Variants in ANGPT1 observed in about 807,000 individuals in gnomAD.
ANGPT1 encodes the protein angiopoietin 1, also known as angiopoietin-1.
A neutral mutation model predicts 62.2 loss-of-function variants in ANGPT1; 17 were observed. That is an observed-to-expected ratio of 0.27 (90% CI 0.19 to 0.41). The LOEUF (loss-of-function observed/expected upper bound fraction) is 0.41, where lower values mean the gene tolerates loss of function less well. ANGPT1 is among the 10% of genes least tolerant of loss of function. The probability of loss-of-function intolerance (pLI) is 1.00; values close to 1 mark genes in which losing one functional copy is unlikely to be tolerated. For missense variants in ANGPT1, 478 were observed against 594.9 expected, an observed-to-expected ratio of 0.80 and a Z score of 2.04; for synonymous variants, 199 against 198.9, an observed-to-expected ratio of 1.00 and a Z score of 0.00.
At chr8:107,466,523 G>C (rs191528096) in intron 1 of ANGPT1, among the ~76,000 whole-genome samples, 1 of 152,162 alleles carries the variant, frequency 6.6e-6, no homozygotes, top group Non-Finnish European at 1.5e-5. Flanking sequence ...ACTCTGTGTA[G>C]GTTAAAGTGA....
chr8:107,360,276 G>T (rs967780968), intron 1 of ANGPT1, among the ~76,000 whole-genome samples: 2 of 152,182 alleles, frequency 1.3e-5, no homozygotes, highest in African/African-American at 2.4e-5. Flanking sequence ...AATGAGGTAA[G>T]GTCTTGAGGT....
intron 1 of ANGPT1, among the ~76,000 whole-genome samples, chr8:107,488,377 G>A (rs779504591): frequency 2.0e-5 from 3 of 152,084 alleles, no homozygotes; most frequent in African/African-American, 4.8e-5. Context: ...TGGACATATG[G>A]GATGCCCTGC....
chr8:107,298,610 T>G, intron 5 of ANGPT1, among the ~76,000 whole-genome samples: 1 of 151,914 alleles, frequency 6.6e-6, no homozygotes, highest in East Asian at 1.9e-4. Flanking sequence ...TTTGAAAAGA[T>G]AACATTTCTC....
At chr8:107,276,351 C>T (rs1450321981) in intron 7 of ANGPT1, among the ~76,000 whole-genome samples, 4 of 152,054 alleles carry the variant, frequency 2.6e-5, no homozygotes, top group Non-Finnish European at 4.4e-5. Context: ...CATATTTTTT[C>T]ATACCTTGAT....
intron 1 of ANGPT1, among the ~76,000 whole-genome samples, chr8:107,422,386 C>T (rs1324237505): frequency 6.6e-6 from 1 of 152,190 alleles, no homozygotes; most frequent in Non-Finnish European, 1.5e-5. Context: ...CCATAAACCT[C>T]AAGTTCTCTC....
At chr8:107,330,616 G>C (rs961684861) in intron 3 of ANGPT1, among the ~76,000 whole-genome samples, 2 of 152,136 alleles carry the variant, frequency 1.3e-5, no homozygotes, top group East Asian at 1.9e-4. Flanking sequence ...TTCTGGATAA[G>C]GACTGGAGTG....
At chr8:107,461,522 T>C (rs1379375239) in intron 1 of ANGPT1, among the ~76,000 whole-genome samples, 2 of 152,288 alleles carry the variant, frequency 1.3e-5, no homozygotes, top group African/African-American at 4.8e-5. Flanking sequence ...GGCAGTATTT[T>C]CATTTTGTCA....
At chr8:107,475,057 C>CT (rs746340684) in intron 1 of ANGPT1, among the ~76,000 whole-genome samples, 6 of 152,304 alleles carry the variant, frequency 3.9e-5, no homozygotes, top group Non-Finnish European at 8.8e-5. Context: ...CTACCAATGA[C>CT]TTTCTTGACA....
chr8:107,277,698 CAA>C (rs2130101951), intron 7 of ANGPT1, among the ~76,000 whole-genome samples: 1 of 152,266 alleles, frequency 6.6e-6, no homozygotes, highest in African/African-American at 2.4e-5. Flanking sequence ...GGGAAATAGA[CAA>C]TATCATTTAT....
At chr8:107,306,677 G>A (rs2129992924) in intron 4 of ANGPT1, among the ~76,000 whole-genome samples, 1 of 152,130 alleles carries the variant, frequency 6.6e-6, no homozygotes, top group South Asian at 2.1e-4. Flanking sequence ...TTTTTAGGAG[G>A]TCTTGAGCTT....
At chr8:107,289,525 C>T (rs972528930) in intron 6 of ANGPT1, among the ~76,000 whole-genome samples, 3 of 152,056 alleles carry the variant, frequency 2.0e-5, no homozygotes, top group Admixed American at 6.6e-5. Context: ...TTTCAGGGCA[C>T]TTTCATATGC....
At chr8:107,365,856 A>AACACACACACACACAC (rs10627552) in intron 1 of ANGPT1, among the ~76,000 whole-genome samples, 79 of 147,182 alleles carry the variant, frequency 5.4e-4, no homozygotes, top group African/African-American at 1.8e-3. Context: ...AAACAAATAC[A>AACACACACACACACAC]ACACACACAC....
intron 7 of ANGPT1, among the ~76,000 whole-genome samples, chr8:107,269,880 T>A (rs1813699675): frequency 6.6e-6 from 1 of 152,092 alleles, no homozygotes; most frequent in South Asian, 2.1e-4. Context: ...TTTTATTTTT[T>A]CAATTAGCAT....
intron 1 of ANGPT1, among the ~76,000 whole-genome samples, chr8:107,418,332 C>T (rs935431953): frequency 2.6e-5 from 4 of 152,190 alleles, no homozygotes; most frequent in African/African-American, 9.6e-5. Flanking sequence ...AGCATTACAG[C>T]TGCCTTTCTT....
chr8:107,467,508 A>G (rs1033310565), intron 1 of ANGPT1, among the ~76,000 whole-genome samples: 5 of 152,106 alleles, frequency 3.3e-5, no homozygotes, highest in African/African-American at 1.2e-4. Context: ...GTTCACCTGA[A>G]GAAACCTGGG....
At position 107,412,493 on chromosome 8, in the gene ANGPT1, T is replaced by C. The variant is rs369476796; in HGVS notation, c.298-65396A>G. ...AAAAAAAACAAAAACAGACTGATTC[T>C]GATAGTATATGTACACATATATACA... On this transcript the variant is annotated intron_variant, in intron 1 of 8. Coordinates refer to ENST00000517746, the MANE Select transcript of ANGPT1 (RefSeq NM_001146.5). 3.3e-5 allele frequency among the ~76,000 whole-genome samples: 5 copies of C among 152,226 alleles called. No individual in the cohort carries two copies. The East Asian group carries it at 7.7e-4, about 24-fold the overall frequency.
chr8:107,414,401 C>G (rs1269566404), intron 1 of ANGPT1, among the ~76,000 whole-genome samples: 1 of 152,148 alleles, frequency 6.6e-6, no homozygotes, highest in Non-Finnish European at 1.5e-5. Context: ...CTGCTTTGGT[C>G]ATTCCATGAT....
chr8:107,307,697 A>G (rs1586208428), intron 4 of ANGPT1, among the ~76,000 whole-genome samples: 1 of 151,928 alleles, frequency 6.6e-6, no homozygotes, highest in South Asian at 2.1e-4. Flanking sequence ...CTAAGTTTCC[A>G]TTCTTGGATC....
At chr8:107,315,735 A>G (rs377332887) in intron 4 of ANGPT1, among the ~76,000 whole-genome samples, 1 of 152,066 alleles carries the variant, frequency 6.6e-6, no homozygotes, top group East Asian at 1.9e-4. Context: ...TAACTTTGGT[A>G]TGTAAATGCT....
Sources: allele counts gnomAD v4.1 joint callset (sites outside exome capture counted in the v4.1 genomes callset), GRCh38; gene constraint gnomAD v4.1.1; transcripts MANE v1.5; gene names NCBI Gene and HGNC (gene_info 2026-07-23, HGNC 2026-07-21).